Variants in SLC38A10 observed in about 807,000 individuals in gnomAD.
The protein encoded by SLC38A10 is solute carrier family 38 member 10.
Under a neutral mutation model 81.0 loss-of-function variants are expected in SLC38A10, and 53 were observed. That is an observed-to-expected ratio of 0.65 (90% CI 0.53 to 0.82). The LOEUF (loss-of-function observed/expected upper bound fraction) is 0.82. Among genes scored for constraint, SLC38A10 ranks in the 40% least tolerant of loss-of-function variants. SLC38A10 has a pLI of 0.00. For missense variants in SLC38A10, 1,471 were observed against 1,545.0 expected (o/e 0.95, Z 0.80); for synonymous variants, 665 against 655.3 (o/e 1.01, Z -0.23).
At position 81,277,156 on chromosome 17, in the gene SLC38A10, A is replaced by G. The variant is rs1327659409; in HGVS notation, c.627-23T>C. On this transcript the variant is annotated intron_variant, in intron 6 of 15. Transcript: ENST00000374759. This position sits in a 1 kb window ranked among gnomAD's most constrained non-coding sequence, Gnocchi z 4.5. ...TGGCTGTATAGAAACAGGCCATTTC[A>G]CAGCGGACCTGAGAGAGGCACGCCC... The G allele has an allele frequency of 6.2e-7, 1 of 1,610,908 alleles. No homozygotes were observed. The highest frequency in any genetic ancestry group is 1.7e-5 in the Admixed American group (1 of 59,972).
In SLC38A10 at chr17:81,256,095, G is replaced by A. The variant is rs551217754; in HGVS notation, c.1289-2855C>T. On this transcript the variant is annotated intron_variant, in intron 11 of 15. Transcript: ENST00000374759. Reference sequence around the variant, plus strand: ...CAGCGGCTCCTCACTGCCAGGTGCTGACGCAGGTTCCCAGCTCCTGGCACC... The same window carrying A: ...CAGCGGCTCCTCACTGCCAGGTGCTAACGCAGGTTCCCAGCTCCTGGCACC... 7.2e-5 allele frequency among the ~76,000 whole-genome samples: 11 copies of A among 152,374 alleles called. No homozygotes were observed. In the East Asian group the frequency reaches 1.3e-3, roughly 19 times the overall value.
chr17:81,256,163 C>T (rs1169458271), intron 11 of SLC38A10, among the ~76,000 whole-genome samples: 1 of 152,254 alleles, frequency 6.6e-6, no homozygotes, highest in Non-Finnish European at 1.5e-5. Context: ...GAGGCCACAA[C>T]TCAGCCACGG....
At chr17:81,271,053 G>T in intron 9 of SLC38A10, 29 bp from the exon 10 acceptor site, 1 of 1,576,208 alleles carries the variant, frequency 6.3e-7, no homozygotes, top group South Asian at 1.1e-5. Context: ...AGGAAGGGAT[G>T]AGTGGGGAAG....
intron 14 of SLC38A10, chr17:81,250,125 A>G: frequency 7.8e-7 from 1 of 1,283,200 alleles, no homozygotes; most frequent in Non-Finnish European, 1.0e-6. Flanking sequence ...ATACGGAAGA[A>G]AGGCAGAATA....
At chr17:81,254,828 G>A (rs2062957541) in intron 11 of SLC38A10, among the ~76,000 whole-genome samples, 1 of 152,242 alleles carries the variant, frequency 6.6e-6, no homozygotes, top group Admixed American at 6.5e-5. Flanking sequence ...TTAGGCTTCG[G>A]CAGAGGCCCC....
chr17:81,287,187 A>G (rs1365805256), intron 2 of SLC38A10, among the ~76,000 whole-genome samples: 1 of 152,218 alleles, frequency 6.6e-6, no homozygotes, highest in African/African-American at 2.4e-5. Context: ...GCACTGGAGG[A>G]CAGCGGGGAG....
intron 10 of SLC38A10, among the ~76,000 whole-genome samples, chr17:81,266,536 G>A (rs762873246): frequency 1.6e-4 from 25 of 151,790 alleles, no homozygotes; most frequent in Non-Finnish European, 2.6e-4. Flanking sequence ...GGAGAATGGC[G>A]TGAACCCAGG....
chr17:81,282,443 AG>A, intron 4 of SLC38A10, 111 bp from the exon 5 acceptor site: 2 of 1,439,118 alleles, frequency 1.4e-6, no homozygotes, highest in Non-Finnish European at 1.9e-6. Context: ...GACGGCATCC[AG>A]GTGAATGACG....
In SLC38A10 at chr17:81,252,496, C is replaced by G. The variant is rs1329078553; in HGVS notation, c.1644G>C (p.Glu548Asp). Residue 548 changes from glutamate (E) to aspartate (D), a missense_variant, in exon 13 of 16, where the codon GAG (glutamate) becomes GAC (aspartate). Glu to Asp is a conservative substitution (Grantham distance 45). Coordinates refer to ENST00000374759, the MANE Select transcript of SLC38A10 (RefSeq NM_001037984.3). ...MAPPLPDSER[E>D]KQEPEQGEVG... ...CCTCTCCCTGCTCCGGCTCTTGTTTCTCTCTTTCTGAGTCGGGCAGAGGCG... is the reference window on the plus strand; with the variant it reads ...CCTCTCCCTGCTCCGGCTCTTGTTTGTCTCTTTCTGAGTCGGGCAGAGGCG... The G allele has an allele frequency of 6.2e-7, 1 of 1,613,452 alleles. No individual in the cohort carries two copies. The highest frequency in any genetic ancestry group is 8.5e-7 in the Non-Finnish European group (1 of 1,180,008).
rs779662757 is a variant in SLC38A10 at position 81,245,938 on chromosome 17, T to C, written c.2978A>G (p.His993Arg). ...CGGCTGCTCGTGGGACACAGGCACA[T>C]GGTCCCCCCCGCGGGCCTTTCTCAT... is the stretch of plus-strand genomic sequence containing the variant. ...LEMRKARGGD[H>R]VPVSHEQPRG... The change falls in exon 16 of 16, where the codon CAT becomes CGT. Residue 993 changes from histidine (H) to arginine (R), a missense_variant. Transcript: ENST00000374759. The C allele has an allele frequency of 3.1e-6, 5 of 1,608,990 alleles. No individual in the cohort carries two copies. The highest frequency in any genetic ancestry group is 4.2e-6 in the Non-Finnish European group (5 of 1,177,456).
chr17:81,266,789 CA>C (rs2063074413), intron 10 of SLC38A10, among the ~76,000 whole-genome samples: 1 of 152,204 alleles, frequency 6.6e-6, no homozygotes, highest in Non-Finnish European at 1.5e-5. Flanking sequence ...GGAGAGTTCG[CA>C]AGGACATCTG....
At chr17:81,255,868 G>A (rs545680813) in intron 11 of SLC38A10, among the ~76,000 whole-genome samples, 2 of 152,310 alleles carry the variant, frequency 1.3e-5, no homozygotes, top group South Asian at 2.1e-4. Context: ...CTGTATTCTC[G>A]GCTACTCAGA....
At chr17:81,251,189 A>T in intron 14 of SLC38A10, 2 of 1,535,030 alleles carry the variant, frequency 1.3e-6, no homozygotes, top group Non-Finnish European at 1.8e-6. Context: ...GGTAATCACA[A>T]GCCAAGTGAC....
chr17:81,248,943 C>A (rs2062878515), intron 14 of SLC38A10, among the ~76,000 whole-genome samples: 2 of 152,240 alleles, frequency 1.3e-5, no homozygotes, highest in Admixed American at 6.5e-5. Context: ...GTCTCCCGCA[C>A]ACCTCCTTTC....
chr17:81,255,739 T>TC (rs2062966163), intron 11 of SLC38A10, among the ~76,000 whole-genome samples: 1 of 152,174 alleles, frequency 6.6e-6, no homozygotes, highest in Non-Finnish European at 1.5e-5. Context: ...CTCACTCCGG[T>TC]AATCCCAGCA....
chr17:81,284,096 G>A (rs539765101), intron 3 of SLC38A10, among the ~76,000 whole-genome samples: 6 of 151,642 alleles, frequency 4.0e-5, no homozygotes, highest in Non-Finnish European at 8.8e-5. Flanking sequence ...AGTGGCTCAC[G>A]CCTGTAATCT....
intron 11 of SLC38A10, among the ~76,000 whole-genome samples, chr17:81,259,223 A>G (rs1240024795): frequency 6.6e-6 from 1 of 151,940 alleles, no homozygotes; most frequent in African/African-American, 2.4e-5. Context: ...CTGGAGGCGG[A>G]AGTCACTGGC....
At chr17:81,294,796 G>A (rs2063335465) in intron 1 of SLC38A10, 27 bp downstream of exon 1, 4 of 1,556,912 alleles carry the variant, frequency 2.6e-6, no homozygotes, top group African/African-American at 2.8e-5. Context: ...AGGCGAGGGC[G>A]GTGATCTCCG....
Position 81,284,716 on chromosome 17 carries a change from T to C in SLC38A10, c.263+134A>G, listed in dbSNP as rs2063247399. The C allele has an allele frequency of 6.1e-6, 4 of 654,490 alleles. No homozygotes were observed. The Admixed American group carries it at 1.5e-4, about 24-fold the overall frequency. The allele number at this position is 654,490 out of a possible 1,614,324, so 40.5% of individuals were successfully genotyped here. The stretch of plus-strand genomic sequence containing the variant: ...CTGAAGGGTACAAGTAATTGGACTT[T>C]CATGTATTTAGCGACTCTTCAGAAA... On this transcript the variant is annotated intron_variant, in intron 3 of 15. Coordinates refer to ENST00000374759, the MANE Select transcript of SLC38A10 (RefSeq NM_001037984.3).
Sources: allele counts gnomAD v4.1 joint callset (sites outside exome capture counted in the v4.1 genomes callset), GRCh38; gene constraint gnomAD v4.1.1; non-coding constraint Gnocchi (gnomAD v3.1); transcripts MANE v1.5; gene names NCBI Gene and HGNC (gene_info 2026-07-23, HGNC 2026-07-21).